The following CCDC82 variants were observed in gnomAD, a reference collection of about 807,000 sequenced individuals.
The protein encoded by CCDC82 is coiled-coil domain-containing protein 82.
CCDC82 carries 47 observed loss-of-function variants against 60.6 expected under a neutral mutation model. That is an observed-to-expected ratio of 0.77 (90% CI 0.61 to 0.99). The LOEUF (loss-of-function observed/expected upper bound fraction) is 0.99. CCDC82 is among the 50% of genes least tolerant of loss of function. The pLI is 0.00. For synonymous variants in CCDC82, 212 were observed against 207.4 expected (o/e 1.02, Z -0.19); for missense variants, 588 against 633.0 (o/e 0.93, Z 0.76).
intron 5 of CCDC82, among the ~76,000 whole-genome samples, chr11:96,377,523 T>C (rs1354549684): frequency 9.9e-5 from 15 of 152,206 alleles, no homozygotes; most frequent in African/African-American, 3.4e-4. Context: ...CTGTTGTCTC[T>C]TGGTTTAAAA....
chr11:96,368,788 C>G (rs192297075), intron 7 of CCDC82, among the ~76,000 whole-genome samples: 2 of 152,136 alleles, frequency 1.3e-5, no homozygotes, highest in African/African-American at 4.8e-5. Context: ...ATGGCGTGAA[C>G]CCAGAAGGCG....
rs540490783 is a variant in CCDC82 at position 96,387,513 on chromosome 11, G to C, written c.-55+17C>G. On this transcript the variant is annotated intron_variant, in intron 2 of 9. Transcript: ENST00000646818. ...TGTAAATATCAAAGCCAAGGACATA[G>C]AGTTTAAATGACTTACCGAAGATCA... is the stretch of plus-strand genomic sequence containing the variant. 6.6e-6 allele frequency: 1 copy of C among 152,302 alleles called. No individual in the cohort carries two copies. Among genetic ancestry groups the C allele is most frequent in the South Asian group, 2.1e-4 (1 of 4,826 alleles). The allele number at this position is 152,302 out of a possible 1,614,324, so 9.4% of individuals were successfully genotyped here.
At chr11:96,384,852 A>C (rs2136213878) in intron 3 of CCDC82, 91 bp from the exon 4 acceptor site, 1 of 786,902 alleles carries the variant, frequency 1.3e-6, no homozygotes. Flanking sequence ...ATTTGGCTTT[A>C]TTTAATGGTC....
intron 2 of CCDC82, 185 bp from the exon 3 acceptor site, chr11:96,386,478 T>G (rs918941805): frequency 1.3e-5 from 2 of 152,146 alleles, no homozygotes; most frequent in Non-Finnish European, 2.9e-5. Context: ...TTTTAAGAGA[T>G]AGGTCTTGTC....
chr11:96,388,356 T>TCCTGTAATG (rs1866322235), intron 1 of CCDC82: 1 of 152,194 alleles, frequency 6.6e-6, no homozygotes, highest in Non-Finnish European at 1.5e-5. Flanking sequence ...ATGAGAATTT[T>TCCTGTAATG]ATCGAGCTTC....
At chr11:96,376,992 T>C (rs1289791254) in intron 5 of CCDC82, among the ~76,000 whole-genome samples, 1 of 152,184 alleles carries the variant, frequency 6.6e-6, no homozygotes, top group Admixed American at 6.5e-5. Context: ...TCCTGGACAC[T>C]ATCTCTGCTT....
At chr11:96,381,682 A>G (rs940396854) in intron 5 of CCDC82, 9 of 151,762 alleles carry the variant, frequency 5.9e-5, no homozygotes, top group Non-Finnish European at 8.9e-5. Flanking sequence ...GTAACGTCCT[A>G]TCTCTGATAG....
chr11:96,367,759 T>C (rs778175453), intron 7 of CCDC82, among the ~76,000 whole-genome samples: 4 of 152,122 alleles, frequency 2.6e-5, no homozygotes, highest in Non-Finnish European at 4.4e-5. Context: ...TTAATTTACT[T>C]TGCCTAGATA....
chr11:96,367,689 C>G (rs892299752), intron 7 of CCDC82, among the ~76,000 whole-genome samples: 3 of 152,108 alleles, frequency 2.0e-5, no homozygotes, highest in Non-Finnish European at 4.4e-5. Flanking sequence ...TTTACCTTCT[C>G]TCATGAATCA....
At position 96,384,396 on chromosome 11, in the gene CCDC82, G is replaced by A. The variant is rs1174988027; in HGVS notation, c.352C>T (p.His118Tyr). ...TGATCTTGTAAGTCAATATTCCTATGTTTGATTTTGTTCGTTTCTTCTTCA... is the reference window on the plus strand; with the variant it reads ...TGATCTTGTAAGTCAATATTCCTATATTTGATTTTGTTCGTTTCTTCTTCA... ...TYEEETNKIK[H>Y]RNIDLQDQEK... The change falls in exon 4 of 10, where the codon CAT becomes TAT. Residue 118 changes from histidine to tyrosine, a missense_variant. Transcript: ENST00000646818. 1 of 1,613,654 alleles carries A rather than the reference G, an allele frequency of 6.2e-7. No individual in the cohort carries two copies. The highest frequency in any genetic ancestry group is 1.3e-5 in the African/African-American group (1 of 74,972).
At chr11:96,361,937 T>C (rs1341548490) in intron 8 of CCDC82, among the ~76,000 whole-genome samples, 1 of 152,172 alleles carries the variant, frequency 6.6e-6, no homozygotes, top group African/African-American at 2.4e-5. Flanking sequence ...AGATGACACA[T>C]AAATGATGAC....
At chr11:96,360,195 T>A (rs948514183) in intron 8 of CCDC82, among the ~76,000 whole-genome samples, 1 of 132,276 alleles carries the variant, frequency 7.6e-6, no homozygotes, top group Non-Finnish European at 1.6e-5. Context: ...TATATATATA[T>A]ATATTTTTTT....
chr11:96,389,676 A>C (rs2136237866), intron 1 of CCDC82, 168 bp downstream of exon 1: 1 of 152,488 alleles, frequency 6.6e-6, no homozygotes, highest in South Asian at 2.1e-4. Context: ...TTAGAGGCGC[A>C]AAGGGCTGAG....
At chr11:96,379,085 T>C (rs868049995) in intron 5 of CCDC82, among the ~76,000 whole-genome samples, 18 of 152,122 alleles carry the variant, frequency 1.2e-4, no homozygotes, top group Middle Eastern at 3.4e-3. Context: ...TTGAATATGA[T>C]TCGTTGGCAG....
intron 5 of CCDC82, among the ~76,000 whole-genome samples, chr11:96,375,201 T>C (rs533752079): frequency 3.0e-4 from 45 of 152,302 alleles, no homozygotes; most frequent in African/African-American, 9.4e-4. Flanking sequence ...TTAACTATCA[T>C]ACAAATTGCA....
chr11:96,389,038 T>C (rs966240373), intron 1 of CCDC82: 1 of 152,238 alleles, frequency 6.6e-6, no homozygotes, highest in Non-Finnish European at 1.5e-5. Flanking sequence ...CTACAGTGTA[T>C]GATTAAGATC....
Position 96,353,616 on chromosome 11 carries a change from A to C in CCDC82, c.*30T>G, listed in dbSNP as rs777442505. 1 of 1,504,358 alleles carries C rather than the reference A, an allele frequency of 6.6e-7. No individual in the cohort carries two copies. The highest frequency in any genetic ancestry group is 1.4e-5 in the African/African-American group (1 of 72,750). 93.2% of individuals were successfully genotyped at this position (1,504,358 alleles called of 1,614,324 possible). ...AATCATGATCTTCACATTTACAGGA[A>C]TTTAAAAAATCTTCTCTGATGGAAA... is the stretch of plus-strand genomic sequence containing the variant. On this transcript the variant is annotated 3_prime_UTR_variant, in exon 10 of 10. Coordinates refer to ENST00000646818, the MANE Select transcript of CCDC82 (RefSeq NM_024725.4).
At chr11:96,358,857 G>T (rs948050668) in intron 9 of CCDC82, 136 bp downstream of exon 9, 93 of 891,134 alleles carry the variant, frequency 1.0e-4, no homozygotes, top group Non-Finnish European at 1.4e-4. Flanking sequence ...AGGAATGAGC[G>T]GAAGAAGAGA....
chr11:96,366,861 T>C (rs888395516), intron 7 of CCDC82, among the ~76,000 whole-genome samples: 1 of 152,218 alleles, frequency 6.6e-6, no homozygotes, highest in African/African-American at 2.4e-5. Flanking sequence ...GCAGATTTGG[T>C]TCCAGATCAC....
Sources: allele counts gnomAD v4.1 joint callset (sites outside exome capture counted in the v4.1 genomes callset), GRCh38; gene constraint gnomAD v4.1.1; transcripts MANE v1.5; gene names NCBI Gene and HGNC (gene_info 2026-07-23, HGNC 2026-07-21).